The following HRH1 variants were observed in gnomAD, a reference collection of about 807,000 sequenced individuals.
HRH1 encodes histamine H1 receptor.
In HRH1, 6 loss-of-function variants were observed where a neutral mutation model predicts 10.3. The ratio of observed to expected loss-of-function variants is 0.58; its 90% CI spans 0.32 to 1.15. The LOEUF is 1.15. HRH1 is among the 50% of genes most tolerant of loss of function. The pLI, the probability that HRH1 is intolerant of heterozygous loss-of-function variation, is 0.05. For missense variants in HRH1, 514 were observed against 615.3 expected, an observed-to-expected ratio of 0.84 and a Z score of 1.74; for synonymous variants, 242 against 236.7, an observed-to-expected ratio of 1.02 and a Z score of -0.21.
chr3:11,138,180 ATT>A (rs746775307), intron 1 of HRH1, among the ~76,000 whole-genome samples: 5 of 135,568 alleles, frequency 3.7e-5, no homozygotes, highest in South Asian at 2.3e-4. Context: ...ACGTTTGGCT[ATT>A]TTTTTTTTTT....
chr3:11,182,082 A>C (rs1473230820), intron 1 of HRH1, among the ~76,000 whole-genome samples: 3 of 152,014 alleles, frequency 2.0e-5, no homozygotes, highest in Non-Finnish European at 4.4e-5. Flanking sequence ...TCCCTGGTTC[A>C]AGCAATTCTC....
intron 1 of HRH1, among the ~76,000 whole-genome samples, chr3:11,181,090 C>A (rs1574992654): frequency 6.6e-6 from 1 of 151,974 alleles, no homozygotes; most frequent in South Asian, 2.1e-4. Context: ...CAAGACCAGC[C>A]TGGGCAATAT....
chr3:11,153,224 A>T (rs2125003434), upstream of HRH1, among the ~76,000 whole-genome samples: 1 of 152,300 alleles, frequency 6.6e-6, no homozygotes, highest in East Asian at 1.9e-4. Context: ...TAAAATAGGG[A>T]TAATAATAGT....
At position 11,260,513 on chromosome 3, in the gene HRH1, AG is replaced by A. The variant is rs1291526118; in HGVS notation, c.*16del. 1.9e-6 allele frequency: 3 copies of A among 1,560,774 alleles called. No individual in the cohort carries two copies. The highest frequency in any genetic ancestry group is 2.6e-6 in the Non-Finnish European group (3 of 1,153,246). On this transcript the variant is annotated 3_prime_UTR_variant, in exon 2 of 2. Transcript: ENST00000431010. ...ATATTCGCTCCTAAGGGAGGCTCTG[AG>A]GGGATGCAACAAAATGATCCTTATG...
chr3:11,252,320 A>C (rs1208592878), intron 1 of HRH1, among the ~76,000 whole-genome samples: 1 of 152,176 alleles, frequency 6.6e-6, no homozygotes, highest in Non-Finnish European at 1.5e-5. Context: ...GAGGCCGTTA[A>C]CCCTTCATCC....
intron 1 of HRH1, among the ~76,000 whole-genome samples, chr3:11,160,970 A>G (rs942989457): frequency 6.6e-6 from 1 of 152,214 alleles, no homozygotes; most frequent in Non-Finnish European, 1.5e-5. Flanking sequence ...TAGAGTATCA[A>G]TGGGAAGAGG....
chr3:11,205,280 C>T (rs762124906), intron 1 of HRH1, among the ~76,000 whole-genome samples: 3 of 152,058 alleles, frequency 2.0e-5, no homozygotes, highest in Non-Finnish European at 4.4e-5. Flanking sequence ...TCATGTGATC[C>T]CCTGTGTGTA....
intron 1 of HRH1, among the ~76,000 whole-genome samples, chr3:11,138,986 G>A (rs9876341): frequency 0.31 from 44,387 of 142,512 alleles, 7,164 homozygotes; most frequent in Admixed American, 0.47. Flanking sequence ...TAGCTGCATT[G>A]TTCTTTTTTT....
intron 1 of HRH1, among the ~76,000 whole-genome samples, chr3:11,140,570 G>A (rs966506140): frequency 1.3e-5 from 2 of 152,034 alleles, no homozygotes; most frequent in African/African-American, 4.8e-5. Context: ...TCTCCCCGAA[G>A]CCACTTCCCC....
At chr3:11,227,759 C>T (rs1025052556) in intron 1 of HRH1, among the ~76,000 whole-genome samples, 1 of 152,172 alleles carries the variant, frequency 6.6e-6, no homozygotes, top group African/African-American at 2.4e-5. Flanking sequence ...AACTTCCTCT[C>T]TCTGAGAGTG....
At chr3:11,198,269 C>T (rs1937751230) in intron 1 of HRH1, among the ~76,000 whole-genome samples, 2 of 152,158 alleles carry the variant, frequency 1.3e-5, no homozygotes, top group African/African-American at 4.8e-5. Flanking sequence ...AGTGTCTGCC[C>T]TTCCCCACAA....
In HRH1 at chr3:11,260,677, G is replaced by A. The variant is rs973397922; in HGVS notation, c.*176G>A. ...GCACCATAGAAGAACAGCAGATGGC[G>A]GTGATCAGCAGAGAGATTGAACTTT... On this transcript the variant is annotated 3_prime_UTR_variant, in exon 2 of 2. Coordinates refer to ENST00000431010, the MANE Select transcript of HRH1 (RefSeq NM_001098212.2). 18 of 596,568 alleles carry A rather than the reference G, an allele frequency of 3.0e-5. No individual in the cohort carries two copies. The highest frequency in any genetic ancestry group is 9.2e-5 in the African/African-American group (5 of 54,482). 37.0% of individuals were successfully genotyped at this position (596,568 alleles called of 1,614,324 possible).
At chr3:11,151,257 T>C (rs1936612955), upstream of HRH1, among the ~76,000 whole-genome samples, 1 of 152,116 alleles carries the variant, frequency 6.6e-6, no homozygotes, top group African/African-American at 2.4e-5. Flanking sequence ...CACCTCCCTA[T>C]GGAAAGAGCC....
intron 1 of HRH1, among the ~76,000 whole-genome samples, chr3:11,191,230 C>G (rs372701021): frequency 6.6e-6 from 1 of 152,106 alleles, no homozygotes; most frequent in Admixed American, 6.5e-5. Context: ...TTATCTGTAA[C>G]GGGGTATACA....
At chr3:11,166,017 G>A (rs1186386151) in intron 1 of HRH1, among the ~76,000 whole-genome samples, 2 of 152,116 alleles carry the variant, frequency 1.3e-5, no homozygotes, top group Non-Finnish European at 2.9e-5. Context: ...GGACTATGGT[G>A]ATCTGCATCT....
chr3:11,245,901 T>G (rs1466366530), intron 1 of HRH1, among the ~76,000 whole-genome samples: 4 of 151,844 alleles, frequency 2.6e-5, no homozygotes, highest in Admixed American at 2.6e-4. Flanking sequence ...GTGCACATGC[T>G]CTCACACACA....
intron 1 of HRH1, among the ~76,000 whole-genome samples, chr3:11,190,989 C>T (rs1937522168): frequency 6.6e-6 from 1 of 152,130 alleles, no homozygotes; most frequent in Non-Finnish European, 1.5e-5. Context: ...AGCAGGCCAA[C>T]CATCACGTGG....
intron 1 of HRH1, among the ~76,000 whole-genome samples, chr3:11,185,767 C>A (rs1265797303): frequency 1.3e-5 from 2 of 152,114 alleles, no homozygotes; most frequent in African/African-American, 4.8e-5. Context: ...GTAAACCCTG[C>A]GGTGTCGTGT....
At chr3:11,238,563 T>C (rs1424327576) in intron 1 of HRH1, among the ~76,000 whole-genome samples, 3 of 152,192 alleles carry the variant, frequency 2.0e-5, no homozygotes, top group Non-Finnish European at 4.4e-5. Context: ...AATTTACCTA[T>C]CATAAAATTC....
Sources: allele counts gnomAD v4.1 joint callset (sites outside exome capture counted in the v4.1 genomes callset), GRCh38; gene constraint gnomAD v4.1.1; transcripts MANE v1.5; gene names NCBI Gene and HGNC (gene_info 2026-07-23, HGNC 2026-07-21).